Variants in RASGEF1B observed in about 807,000 individuals in gnomAD.
RASGEF1B encodes ras-GEF domain-containing family member 1B.
A neutral mutation model predicts 65.7 loss-of-function variants in RASGEF1B; 30 were observed. The ratio of observed to expected loss-of-function variants is 0.46; its 90% CI spans 0.34 to 0.62. The LOEUF is 0.62. Among genes scored for constraint, RASGEF1B ranks in the 20% least tolerant of loss-of-function variants. RASGEF1B has a pLI of 0.01. For missense variants in RASGEF1B, 495 were observed against 580.1 expected (o/e 0.85, Z 1.51); for synonymous variants, 175 against 194.8 (o/e 0.90, Z 0.85).
At chr4:81,440,762 G>A (rs564057772) in intron 10 of RASGEF1B, 72 bp downstream of exon 10, 42 of 955,766 alleles carry the variant, frequency 4.4e-5, no homozygotes, top group African/African-American at 2.8e-4. Flanking sequence ...CTTCAGTGTC[G>A]TAGTTCACAT....
At chr4:81,433,759 G>A (rs1560693343) in intron 12 of RASGEF1B, 81 bp downstream of exon 12, 2 of 1,454,120 alleles carry the variant, frequency 1.4e-6, no homozygotes, top group Non-Finnish European at 1.9e-6. Flanking sequence ...ATTACTATAT[G>A]AGTAACCAAG....
chr4:81,456,809 T>C, intron 3 of RASGEF1B, 21 bp from the exon 4 acceptor site: 1 of 1,582,360 alleles, frequency 6.3e-7, no homozygotes, highest in Non-Finnish European at 8.6e-7. Flanking sequence ...ATAGCAAATC[T>C]AATTCAGTGA....
intron 1 of RASGEF1B, among the ~76,000 whole-genome samples, chr4:81,463,192 T>C (rs1183934989): frequency 6.6e-6 from 1 of 152,206 alleles, no homozygotes; most frequent in Non-Finnish European, 1.5e-5. Flanking sequence ...AAAGAAGTAT[T>C]AGTACCATTA....
At chr4:81,454,967 A>G (rs1400877481) in intron 4 of RASGEF1B, 2 of 152,236 alleles carry the variant, frequency 1.3e-5, no homozygotes, top group Non-Finnish European at 2.9e-5. Context: ...TCATCTAACT[A>G]GCTGTGTCAA....
chr4:81,464,863 T>C (rs911552797), intron 1 of RASGEF1B, among the ~76,000 whole-genome samples: 1 of 151,888 alleles, frequency 6.6e-6, no homozygotes, highest in Non-Finnish European at 1.5e-5. Context: ...GGCGGGCGGA[T>C]TACTTGAGGT....
intron 3 of RASGEF1B, 76 bp from the exon 4 acceptor site, chr4:81,456,864 G>T: frequency 7.6e-7 from 1 of 1,315,146 alleles, no homozygotes; most frequent in Non-Finnish European, 1.1e-6. Context: ...TACAAAGAGC[G>T]TCACTGAGAA....
chr4:81,457,324 G>A (rs1722481350), intron 3 of RASGEF1B, among the ~76,000 whole-genome samples, 175 bp downstream of exon 3: 1 of 152,150 alleles, frequency 6.6e-6, no homozygotes, highest in Non-Finnish European at 1.5e-5. Flanking sequence ...AACTGCATTT[G>A]ATTTATCCTG....
intron 1 of RASGEF1B, among the ~76,000 whole-genome samples, chr4:81,463,640 T>G (rs1323234501): frequency 5.9e-5 from 9 of 152,198 alleles, no homozygotes. Context: ...AGAAGCGTTT[T>G]ATAATCACAA....
At chr4:81,448,744 C>T (rs1311222530) in intron 4 of RASGEF1B, among the ~76,000 whole-genome samples, 2 of 152,158 alleles carry the variant, frequency 1.3e-5, no homozygotes, top group Non-Finnish European at 2.9e-5. Flanking sequence ...TCAATCTCAT[C>T]AGTCTGGCTA....
intron 11 of RASGEF1B, 58 bp downstream of exon 11, chr4:81,434,581 G>T: frequency 1.0e-6 from 1 of 965,818 alleles, no homozygotes; most frequent in Non-Finnish European, 1.7e-6. Flanking sequence ...ATGCGGTGCT[G>T]GAGAAGCTGC....
At chr4:81,443,866 G>A (rs911409034) in intron 8 of RASGEF1B, among the ~76,000 whole-genome samples, 4 of 152,204 alleles carry the variant, frequency 2.6e-5, no homozygotes, top group African/African-American at 9.6e-5. Flanking sequence ...TTCCAAAGTA[G>A]TAGTACCATT....
chr4:81,435,115 G>C (rs925162138), intron 10 of RASGEF1B, among the ~76,000 whole-genome samples: 2 of 152,028 alleles, frequency 1.3e-5, no homozygotes, highest in African/African-American at 4.8e-5. Flanking sequence ...AATGTTAATA[G>C]AATACCTATC....
chr4:81,429,421 G>C (rs1000344335), intron 13 of RASGEF1B, among the ~76,000 whole-genome samples: 6 of 152,198 alleles, frequency 3.9e-5, no homozygotes, highest in African/African-American at 1.4e-4. Flanking sequence ...GCTGGGAGGG[G>C]AAGAGCACGG....
chr4:81,447,453 T>A (rs1722066736), intron 6 of RASGEF1B, 51 bp downstream of exon 6: 1 of 1,333,630 alleles, frequency 7.5e-7, no homozygotes, highest in South Asian at 1.2e-5. Context: ...TATCATAGAC[T>A]GATAAATCCC....
chr4:81,441,653 T>C (rs1721842231), intron 9 of RASGEF1B, among the ~76,000 whole-genome samples: 1 of 151,634 alleles, frequency 6.6e-6, no homozygotes, highest in Admixed American at 6.6e-5. Context: ...TCAATCCTCC[T>C]GCCTCAGCCC....
chr4:81,466,749 C>T (rs530208076), intron 1 of RASGEF1B, among the ~76,000 whole-genome samples: 201 of 39,742 alleles, frequency 5.1e-3, no homozygotes, highest in Admixed American at 0.02. Flanking sequence ...ACAGAGCAAG[C>T]CTCCATGTCA....
chr4:81,453,217 C>G (rs970173565), intron 4 of RASGEF1B: 2 of 152,158 alleles, frequency 1.3e-5, no homozygotes, highest in African/African-American at 4.8e-5. Flanking sequence ...AAAGAGGGCA[C>G]AGCATGGGGT....
chr4:81,444,220 C>T lies in RASGEF1B; in HGVS notation c.928+1306G>A, dbSNP rs553015352. On this transcript the variant is annotated intron_variant, in intron 8 of 13. Transcript: ENST00000264400. ...CTCTATGTATTACATACATTTTCTC[C>T]GATGCTATGGCTTGCCTTGACATTT... Among the ~76,000 whole-genome samples, 24 of 152,150 alleles carry T rather than the reference C, an allele frequency of 1.6e-4. No homozygotes were observed. In the East Asian group the frequency reaches 3.9e-3, roughly 25 times the overall value.
chr4:81,448,888 C>T (rs1722144314), intron 4 of RASGEF1B, among the ~76,000 whole-genome samples: 1 of 152,142 alleles, frequency 6.6e-6, no homozygotes, highest in African/African-American at 2.4e-5. Context: ...GATCTTGTCT[C>T]ACTATAACCT....
Sources: allele counts gnomAD v4.1 joint callset (sites outside exome capture counted in the v4.1 genomes callset), GRCh38; gene constraint gnomAD v4.1.1; transcripts MANE v1.5; gene names NCBI Gene and HGNC (gene_info 2026-07-23, HGNC 2026-07-21).